LYNX1: variants seen among roughly 807,000 people sequenced by gnomAD.
LYNX1 encodes Ly6/neurotoxin 1, also known as ly-6/neurotoxin-like protein 1.
A neutral mutation model predicts 8.3 loss-of-function variants in LYNX1; 8 were observed. The ratio of observed to expected loss-of-function variants is 0.97; its 90% CI spans 0.57 to 1.74. The LOEUF (loss-of-function observed/expected upper bound fraction) is 1.74. Ranked by LOEUF, LYNX1 falls within the 40% of genes most tolerant of loss-of-function variation. LYNX1 has a pLI of 0.00. For synonymous variants in LYNX1, 73 were observed against 67.9 expected (o/e 1.08, Z -0.37); for missense variants, 158 against 159.7 (o/e 0.99, Z 0.06).
rs587773494 is a variant in LYNX1 at position 142,774,101 on chromosome 8, C to A, written c.*1066G>T. ...CCAGGTGGAAGGTGATGGAGGGACC[C>A]ACTCACTGTGCGCATCCCGCTGCGG... On this transcript the variant is annotated 3_prime_UTR_variant, in exon 4 of 4. Transcript: ENST00000652477. The A allele has an allele frequency of 1.0e-6, 1 of 985,340 alleles. No individual in the cohort carries two copies. The highest frequency in any genetic ancestry group is 1.7e-5 in the African/African-American group (1 of 57,314). The allele number at this position is 985,340 out of a possible 1,614,324, so 61.0% of individuals were successfully genotyped here. A position where few individuals can be genotyped will look rare whatever the true frequency, so the allele number is the denominator to read the frequency against.
chr8:142,775,238 T>G lies in LYNX1; in HGVS notation c.280A>C (p.Thr94Pro). Reference sequence around the variant, plus strand: ...AGGGTGGCCGGGGTGGCAAGGCCGGTGCCGTTGCAGAGGTCGTACTGGCAG... The same window carrying G: ...AGGGTGGCCGGGGTGGCAAGGCCGGGGCCGTTGCAGAGGTCGTACTGGCAG... ...SCCQYDLCNG[T>P]GLATPATLAL... The change falls in exon 4 of 4, where the codon ACC becomes CCC. Residue 94 changes from threonine to proline, a missense_variant. Transcript: ENST00000652477. The G allele has an allele frequency of 1.2e-6, 2 of 1,613,736 alleles. No individual in the cohort carries two copies. The highest frequency in any genetic ancestry group is 1.7e-6 in the Non-Finnish European group (2 of 1,179,936).
chr8:142,775,884 C>T (rs775809031), intron 2 of LYNX1, 22 bp downstream of exon 2: 2 of 1,614,126 alleles, frequency 1.2e-6, no homozygotes, highest in East Asian at 2.2e-5. Flanking sequence ...CTGCCCATCC[C>T]TCTGTCCTTT....
chr8:142,774,035 C>A lies in LYNX1; in HGVS notation c.*1132G>T. On this transcript the variant is annotated 3_prime_UTR_variant, in exon 4 of 4. Coordinates refer to ENST00000652477, the MANE Select transcript of LYNX1 (RefSeq NM_177477.4). The stretch of plus-strand genomic sequence containing the variant: ...GTGGGGTCCCTGGGAGTCCACACAC[C>A]CAGCTGGGGCTTCCACCCTGCCCTC... The A allele has an allele frequency of 1.0e-6, 1 of 985,500 alleles. No individual in the cohort carries two copies. The allele number at this position is 985,500 out of a possible 1,614,324, so 61.0% of individuals were successfully genotyped here.
chr8:142,774,138 G>T lies in LYNX1; in HGVS notation c.*1029C>A. 1.0e-6 allele frequency: 1 copy of T among 984,952 alleles called. No individual in the cohort carries two copies. Among genetic ancestry groups the T allele is most frequent in the Non-Finnish European group, 1.2e-6 (1 of 829,758 alleles). The allele number at this position is 984,952 out of a possible 1,614,324, so 61.0% of individuals were successfully genotyped here. On this transcript the variant is annotated 3_prime_UTR_variant, in exon 4 of 4. Transcript: ENST00000652477. ...GCATCCCGCTGCGGGGGAGGGGCTG[G>T]GTCTCCGCCCTCCCCACCCCACCCT...
chr8:142,774,148 C>CAGGG lies in LYNX1; in HGVS notation c.*1018_*1019insCCCT. ...GCGGGGGAGGGGCTGGGTCTCCGCC[C>CAGGG]TCCCCACCCCACCCTCCCCACTCCC... On this transcript the variant is annotated 3_prime_UTR_variant, in exon 4 of 4. Coordinates refer to ENST00000652477, the MANE Select transcript of LYNX1 (RefSeq NM_177477.4). The CAGGG allele has an allele frequency of 7.2e-6, 7 of 971,990 alleles. No homozygotes were observed. The highest frequency in any genetic ancestry group is 1.8e-5 in the African/African-American group (1 of 56,684). 60.2% of individuals were successfully genotyped at this position (971,990 alleles called of 1,614,324 possible).
In LYNX1 at chr8:142,775,621, C is replaced by A. The variant is rs926638257; in HGVS notation, c.126G>T (p.Met42Ile). The stretch of plus-strand genomic sequence containing the variant: ...TGCGCGTGGTCATGCAGTAGGCAAC[C>A]ATAGCCGGGCAGCGCATGGGGTTGA... ...NCFNPMRCPA[M>I]VAYCMTTRTY... Residue 42 changes from methionine to isoleucine, a missense_variant, in exon 3 of 4, where the codon ATG becomes ATT. By Grantham distance (10) the Met-to-Ile change is conservative. Coordinates refer to ENST00000652477, the MANE Select transcript of LYNX1 (RefSeq NM_177477.4). The A allele has an allele frequency of 6.9e-6, 11 of 1,600,536 alleles. No homozygotes were observed. The highest frequency in any genetic ancestry group is 1.3e-5 in the African/African-American group (1 of 74,880).
chr8:142,775,891 C>A lies in LYNX1; in HGVS notation c.52+15G>T. On this transcript the variant is annotated intron_variant, in intron 2 of 3. Transcript: ENST00000652477. The stretch of plus-strand genomic sequence containing the variant: ...AAGTGGGTCTGCCCATCCCTCTGTC[C>A]TTTGTCCATCTTACCCAGAGGTAAG... 6.2e-7 allele frequency: 1 copy of A among 1,614,130 alleles called. No homozygotes were observed. Among genetic ancestry groups the A allele is most frequent in the Non-Finnish European group, 8.5e-7 (1 of 1,180,010 alleles).
intron 3 of LYNX1, 37 bp downstream of exon 3, chr8:142,775,556 C>A (rs768682459): frequency 1.2e-5 from 18 of 1,562,342 alleles, no homozygotes; most frequent in East Asian, 4.8e-5. Flanking sequence ...CCCCTTCGTG[C>A]TCCCCAGGCA....
At position 142,772,046 on chromosome 8, in the gene LYNX1, T is replaced by C. The variant is rs1316039367; in HGVS notation, c.*3121A>G. ...GAGCCCACCCAAGCAGCCACTCCTGTCCAGTTCCCAGAATGTATAACATCC... is the reference window on the plus strand; with the variant it reads ...GAGCCCACCCAAGCAGCCACTCCTGCCCAGTTCCCAGAATGTATAACATCC... On this transcript the variant is annotated 3_prime_UTR_variant, in exon 4 of 4. Coordinates refer to ENST00000652477, the MANE Select transcript of LYNX1 (RefSeq NM_177477.4). 1 of 986,166 alleles carries C rather than the reference T, an allele frequency of 1.0e-6. No individual in the cohort carries two copies. Among genetic ancestry groups the C allele is most frequent in the East Asian group, 1.1e-4 (1 of 8,826 alleles). 61.1% of individuals were successfully genotyped at this position (986,166 alleles called of 1,614,324 possible).
rs1292185043 is a variant in LYNX1 at position 142,775,713 on chromosome 8, CGGGAA to C, written c.53-24_53-20del. ...GCCTGGGCTGGGGTTGGCAGATGGG[CGGGAA>C]GGGAACGGGGGTCACAGAACATGAG... is the stretch of plus-strand genomic sequence containing the variant. On this transcript the variant is annotated intron_variant, in intron 2 of 3. Coordinates refer to ENST00000652477, the MANE Select transcript of LYNX1 (RefSeq NM_177477.4). 1 of 1,576,452 alleles carries C rather than the reference CGGGAA, an allele frequency of 6.3e-7. No individual in the cohort carries two copies.
At position 142,773,776 on chromosome 8, in the gene LYNX1, A is replaced by G. The variant is rs769444312; in HGVS notation, c.*1391T>C. On this transcript the variant is annotated 3_prime_UTR_variant, in exon 4 of 4. Coordinates refer to ENST00000652477, the MANE Select transcript of LYNX1 (RefSeq NM_177477.4). ...CATACTTTGGGGCCGGGACAATCCT[A>G]CCACATGGATATGTCACCATCCTGC... 50 of 985,156 alleles carry G rather than the reference A, an allele frequency of 5.1e-5. No individual in the cohort carries two copies. The highest frequency in any genetic ancestry group is 1.3e-5 in the Non-Finnish European group (11 of 829,922). The allele number at this position is 985,156 out of a possible 1,614,324, so 61.0% of individuals were successfully genotyped here.
chr8:142,774,145 G>GGCCAGGCCCC lies in LYNX1; in HGVS notation c.*1021_*1022insGGGGCCTGGC. 1.0e-6 allele frequency: 1 copy of GGCCAGGCCCC among 981,848 alleles called. No homozygotes were observed. Among genetic ancestry groups the GGCCAGGCCCC allele is most frequent in the Non-Finnish European group, 1.2e-6 (1 of 827,982 alleles). 60.8% of individuals were successfully genotyped at this position (981,848 alleles called of 1,614,324 possible). A position where few individuals can be genotyped will look rare whatever the true frequency, so the allele number is the denominator to read the frequency against. ...GCTGCGGGGGAGGGGCTGGGTCTCC[G>GGCCAGGCCCC]CCCTCCCCACCCCACCCTCCCCACT... On this transcript the variant is annotated 3_prime_UTR_variant, in exon 4 of 4. Coordinates refer to ENST00000652477, the MANE Select transcript of LYNX1 (RefSeq NM_177477.4).
rs1815293265 is a variant in LYNX1 at position 142,774,066 on chromosome 8, G to A, written c.*1101C>T. 2.0e-6 allele frequency: 2 copies of A among 985,408 alleles called. No homozygotes were observed. Among genetic ancestry groups the A allele is most frequent in the African/African-American group, 3.5e-5 (2 of 57,310 alleles). The allele number at this position is 985,408 out of a possible 1,614,324, so 61.0% of individuals were successfully genotyped here. Reference sequence around the variant, plus strand: ...GGGGCTTCCACCCTGCCCTCCCAGTGGGTGCATCCCCAGGTGGAAGGTGAT... The same window carrying A: ...GGGGCTTCCACCCTGCCCTCCCAGTAGGTGCATCCCCAGGTGGAAGGTGAT... On this transcript the variant is annotated 3_prime_UTR_variant, in exon 4 of 4. Transcript: ENST00000652477.
rs749372304 is a variant in LYNX1 at position 142,775,681 on chromosome 8, G to GTCCAAGGCC, written c.57_65dup (p.Leu21_Asp22insGluAlaLeu). On this transcript the variant is annotated inframe_insertion, in exon 3 of 4. Coordinates refer to ENST00000652477, the MANE Select transcript of LYNX1 (RefSeq NM_177477.4). ...CTCCGTTGTAGGCACACACGTGGCA[G>GTCCAAGGCC]TCCAAGGCCTGGGCTGGGGTTGGCA... 24 of 1,598,688 alleles carry GTCCAAGGCC rather than the reference G, an allele frequency of 1.5e-5. No homozygotes were observed. The highest frequency in any genetic ancestry group is 1.8e-5 in the Non-Finnish European group (21 of 1,172,706).
In LYNX1 at chr8:142,772,370, C is replaced by G; in HGVS notation, c.*2797G>C. ...CAGAGGCAGCGCTGGAGGCCTTACT[C>G]TACCACTCAGGGCTTCTCAAACCTC... On this transcript the variant is annotated 3_prime_UTR_variant, in exon 4 of 4. Transcript: ENST00000652477. The G allele has an allele frequency of 1.0e-6, 1 of 985,556 alleles. No individual in the cohort carries two copies. Among genetic ancestry groups the G allele is most frequent in the Non-Finnish European group, 1.2e-6 (1 of 829,982 alleles). 61.1% of individuals were successfully genotyped at this position (985,556 alleles called of 1,614,324 possible). A position where few individuals can be genotyped will look rare whatever the true frequency, so the allele number is the denominator to read the frequency against.
At position 142,774,746 on chromosome 8, in the gene LYNX1, C is replaced by A. The variant is rs190181450; in HGVS notation, c.*421G>T. 2.2e-5 allele frequency: 23 copies of A among 1,038,900 alleles called. No individual in the cohort carries two copies. Among genetic ancestry groups the A allele is most frequent in the Non-Finnish European group, 2.2e-5 (19 of 863,524 alleles). 64.4% of individuals were successfully genotyped at this position (1,038,900 alleles called of 1,614,324 possible). A position where few individuals can be genotyped will look rare whatever the true frequency, so the allele number is the denominator to read the frequency against. On this transcript the variant is annotated 3_prime_UTR_variant, in exon 4 of 4. Transcript: ENST00000652477. ...GAGCCTTTCCTCCTAAGAGTCTCCC[C>A]ACCACCCCACCTGCGGGCATTCCTT...
In LYNX1 at chr8:142,772,818, C is replaced by G. The variant is rs1055846165; in HGVS notation, c.*2349G>C. On this transcript the variant is annotated 3_prime_UTR_variant, in exon 4 of 4. Coordinates refer to ENST00000652477, the MANE Select transcript of LYNX1 (RefSeq NM_177477.4). ...TGAGTGCCTTCTGTGTGCTCTACGC[C>G]AGGTGCCAAGGGCAGGCCAGCCAGG... The G allele has an allele frequency of 1.0e-6, 1 of 985,678 alleles. No homozygotes were observed. The highest frequency in any genetic ancestry group is 1.7e-5 in the African/African-American group (1 of 57,248). 61.1% of individuals were successfully genotyped at this position (985,678 alleles called of 1,614,324 possible). A position where few individuals can be genotyped will look rare whatever the true frequency, so the allele number is the denominator to read the frequency against.
chr8:142,775,152 T>C lies in LYNX1; in HGVS notation c.*15A>G. ...CTCGAGAGCTTTGTTCTTGAGTGGG[T>C]CTGCCTCGGGGGCTTTAGAGGAGAC... On this transcript the variant is annotated 3_prime_UTR_variant, in exon 4 of 4. Transcript: ENST00000652477. 6.2e-7 allele frequency: 1 copy of C among 1,606,220 alleles called. No homozygotes were observed. Among genetic ancestry groups the C allele is most frequent in the South Asian group, 1.1e-5 (1 of 90,246 alleles).
Position 142,773,675 on chromosome 8 carries a change from A to G in LYNX1, c.*1492T>C. 3 of 985,190 alleles carry G rather than the reference A, an allele frequency of 3.0e-6. No individual in the cohort carries two copies. The highest frequency in any genetic ancestry group is 3.6e-6 in the Non-Finnish European group (3 of 829,850). The allele number at this position is 985,190 out of a possible 1,614,324, so 61.0% of individuals were successfully genotyped here. A position where few individuals can be genotyped will look rare whatever the true frequency, so the allele number is the denominator to read the frequency against. On this transcript the variant is annotated 3_prime_UTR_variant, in exon 4 of 4. Transcript: ENST00000652477. ...GGAGACCCCTGGGGTGGAGACCCTC[A>G]TTCCCTGATCCCCCAGGGGTCCTGC...
Sources: allele counts gnomAD v4.1 joint callset, GRCh38; gene constraint gnomAD v4.1.1; transcripts MANE v1.5; gene names NCBI Gene and HGNC (gene_info 2026-07-23, HGNC 2026-07-21).